Variants in PTPRD observed in about 807,000 individuals in gnomAD.
PTPRD encodes protein tyrosine phosphatase receptor type D.
Under a neutral mutation model 214.5 loss-of-function variants are expected in PTPRD, and 34 were observed. That is an observed-to-expected ratio of 0.16 (90% CI 0.12 to 0.21). The LOEUF is 0.21. PTPRD is among the 10% of genes least tolerant of loss of function. The probability of loss-of-function intolerance (pLI) is 1.00; values close to 1 mark genes in which losing one functional copy is unlikely to be tolerated. For synonymous variants in PTPRD, 1,128 were observed against 845.7 expected, an observed-to-expected ratio of 1.33 and a Z score of -5.79; for missense variants, 2,545 against 2,398.7, an observed-to-expected ratio of 1.06 and a Z score of -1.27.
At chr9:9,204,439 AC>A (rs1455704345) in intron 9 of PTPRD, among the ~76,000 whole-genome samples, 1 of 152,060 alleles carries the variant, frequency 6.6e-6, no homozygotes, top group African/African-American at 2.4e-5. Flanking sequence ...AGTTTAATCC[AC>A]TCATGTTTGG....
intron 10 of PTPRD, among the ~76,000 whole-genome samples, chr9:9,179,103 T>C (rs2099926618): frequency 6.6e-6 from 1 of 152,120 alleles, no homozygotes; most frequent in African/African-American, 2.4e-5. Context: ...AAACAATTCT[T>C]AAAATCAACT....
chr9:9,817,892 G>C (rs2049294965), intron 5 of PTPRD, among the ~76,000 whole-genome samples: 1 of 152,180 alleles, frequency 6.6e-6, no homozygotes, highest in Admixed American at 6.5e-5. Flanking sequence ...GAGCTAGTTA[G>C]CAAGATCAAT....
intron 10 of PTPRD, among the ~76,000 whole-genome samples, chr9:9,071,720 C>T (rs2099744021): frequency 6.6e-6 from 1 of 152,172 alleles, no homozygotes; most frequent in African/African-American, 2.4e-5. Flanking sequence ...GCTGATAATA[C>T]ATGACCATGT....
At chr9:10,453,489 A>G (rs949444438) in intron 2 of PTPRD, among the ~76,000 whole-genome samples, 11 of 151,544 alleles carry the variant, frequency 7.3e-5, no homozygotes, top group African/African-American at 1.2e-4. Flanking sequence ...TCTTCCCTCA[A>G]TGTTTTATAG....
At chr9:9,289,489 G>A (rs1421366042) in intron 9 of PTPRD, among the ~76,000 whole-genome samples, 1 of 151,778 alleles carries the variant, frequency 6.6e-6, no homozygotes, top group Non-Finnish European at 1.5e-5. Flanking sequence ...TTGCATGTGT[G>A]TGTGTGTCTG....
intron 7 of PTPRD, among the ~76,000 whole-genome samples, chr9:9,626,329 A>G (rs2095424680): frequency 6.6e-6 from 1 of 152,188 alleles, no homozygotes; most frequent in African/African-American, 2.4e-5. Context: ...ACTAAAAGCT[A>G]AGGCTCTGTC....
intron 5 of PTPRD, among the ~76,000 whole-genome samples, chr9:9,930,421 G>C (rs1485064808): frequency 1.3e-5 from 2 of 152,158 alleles, no homozygotes; most frequent in African/African-American, 2.4e-5. Context: ...TATTTCTACA[G>C]AGTTTATTTT....
intron 8 of PTPRD, among the ~76,000 whole-genome samples, chr9:9,567,576 G>C (rs1412773786): frequency 6.6e-6 from 1 of 151,884 alleles, no homozygotes; most frequent in Non-Finnish European, 1.5e-5. Context: ...ATCTATTATT[G>C]CCTCAGGGAA....
intron 11 of PTPRD, among the ~76,000 whole-genome samples, chr9:8,988,950 A>G (rs1209486907): frequency 1.3e-5 from 2 of 152,086 alleles, no homozygotes; most frequent in African/African-American, 2.4e-5. Flanking sequence ...GGAAAGCTAG[A>G]TTCAGTTTAT....
rs1204327988 is a variant in PTPRD at position 9,384,086 on chromosome 9, A to G, written c.-203+13363T>C. Among the ~76,000 whole-genome samples the G allele has an allele frequency of 5.9e-5, 9 of 151,658 alleles. No individual in the cohort carries two copies. In the South Asian group the frequency reaches 6.2e-4, roughly 10 times the overall value. On this transcript the variant is annotated intron_variant, in intron 9 of 45. Coordinates refer to ENST00000381196, the MANE Select transcript of PTPRD (RefSeq NM_002839.4). ...TTACTAATTATATTGAATTCAAACA[A>G]TGAAGGGACATTAAAAACTTTTCAC... is the stretch of plus-strand genomic sequence containing the variant.
intron 11 of PTPRD, among the ~76,000 whole-genome samples, chr9:9,014,554 T>C (rs1038571392): frequency 9.2e-5 from 14 of 152,134 alleles, no homozygotes; most frequent in Admixed American, 3.3e-4. Flanking sequence ...AGAGATTCCT[T>C]GCCAGGAATA....
At chr9:9,748,668 G>A (rs1233524575) in intron 6 of PTPRD, among the ~76,000 whole-genome samples, 3 of 152,136 alleles carry the variant, frequency 2.0e-5, no homozygotes, top group Admixed American at 6.6e-5. Flanking sequence ...GGGAATCAGA[G>A]CAGTTAGCTG....
At position 8,812,129 on chromosome 9, in the gene PTPRD, A is replaced by G. The variant is rs12380161; in HGVS notation, c.-103-78183T>C. Among the ~76,000 whole-genome samples the G allele has an allele frequency of 5.3e-3, 807 of 152,322 alleles. 3 individuals carry two copies. The highest frequency in any genetic ancestry group is 9.2e-3 in the Non-Finnish European group (628 of 68,028). ...AACAAAAGAGAAAAAATAAGTACTC[A>G]TTAGGGAAAGCTAAATGTAGAATGG... On this transcript the variant is annotated intron_variant, in intron 11 of 45. Transcript: ENST00000381196.
intron 8 of PTPRD, among the ~76,000 whole-genome samples, chr9:9,471,914 A>AT (rs963167102): frequency 5.3e-5 from 8 of 152,202 alleles, no homozygotes; most frequent in African/African-American, 9.6e-5. Flanking sequence ...CATTTTAATG[A>AT]TTTTTTTAAC....
chr9:8,607,615 C>T (rs761177653), intron 14 of PTPRD, among the ~76,000 whole-genome samples: 4 of 151,960 alleles, frequency 2.6e-5, no homozygotes, highest in Non-Finnish European at 5.9e-5. Context: ...TGCACTCCAG[C>T]CTGGGAGACT....
At chr9:10,597,642 T>A (rs1461010055) in intron 2 of PTPRD, among the ~76,000 whole-genome samples, 1 of 151,826 alleles carries the variant, frequency 6.6e-6, no homozygotes, top group Non-Finnish European at 1.5e-5. Flanking sequence ...GCAGGTTCTA[T>A]AATGTAAATG....
chr9:10,180,843 A>T (rs1433220708), intron 3 of PTPRD, among the ~76,000 whole-genome samples: 1 of 152,080 alleles, frequency 6.6e-6, no homozygotes. Context: ...TGCAGGAGAA[A>T]AATGATTTTA....
At chr9:9,890,887 A>G (rs2073070402) in intron 5 of PTPRD, among the ~76,000 whole-genome samples, 1 of 152,166 alleles carries the variant, frequency 6.6e-6, no homozygotes, top group Non-Finnish European at 1.5e-5. Flanking sequence ...ATTTAATTCC[A>G]AAATTGATTT....
chr9:10,384,234 A>G (rs2097872375), intron 2 of PTPRD, among the ~76,000 whole-genome samples: 1 of 151,918 alleles, frequency 6.6e-6, no homozygotes, highest in East Asian at 1.9e-4. Flanking sequence ...ATACTATTTC[A>G]CATGATGTGA....
Sources: allele counts gnomAD v4.1 joint callset (sites outside exome capture counted in the v4.1 genomes callset), GRCh38; gene constraint gnomAD v4.1.1; transcripts MANE v1.5; gene names NCBI Gene and HGNC (gene_info 2026-07-23, HGNC 2026-07-21).